Variants in UBN1 observed in about 807,000 individuals in gnomAD.
The protein encoded by UBN1 is ubinuclein 1.
A neutral mutation model predicts 108.5 loss-of-function variants in UBN1; 17 were observed. The observed-to-expected ratio is 0.16, with a 90% CI of 0.11 to 0.24. The LOEUF is 0.24. Ranked by LOEUF, UBN1 falls within the 10% of genes least tolerant of loss-of-function variation. The pLI, the probability that UBN1 is intolerant of heterozygous loss-of-function variation, is 1.00. For missense variants in UBN1, 1,595 were observed against 1,394.4 expected, an observed-to-expected ratio of 1.14 and a Z score of -2.29; for synonymous variants, 726 against 564.2, an observed-to-expected ratio of 1.29 and a Z score of -4.07.
chr16:4,864,044 A>G (rs1235582990), intron 7 of UBN1, among the ~76,000 whole-genome samples: 2 of 148,044 alleles, frequency 1.4e-5, no homozygotes, highest in South Asian at 2.1e-4. Flanking sequence ...TGTGGGAGGA[A>G]TCTGTGATCC....
rs776962648 is a variant in UBN1 at position 4,874,295 on chromosome 16, A to T, written c.1885A>T (p.Thr629Ser). 17 of 1,614,088 alleles carry T rather than the reference A, an allele frequency of 1.1e-5. No homozygotes were observed. Among genetic ancestry groups the T allele is most frequent in the Non-Finnish European group, 1.4e-5 (17 of 1,179,980 alleles). ...CATTGCTTTGCCCTCAGATCACCAAACAGGAGGCCTGAGTATTGGGGCCTC... is the reference window on the plus strand; with the variant it reads ...CATTGCTTTGCCCTCAGATCACCAATCAGGAGGCCTGAGTATTGGGGCCTC... Reference protein sequence around the residue: ...GPIALPSDHQTGGLSIGASSR... With the variant: ...GPIALPSDHQSGGLSIGASSR... The change falls in exon 15 of 18, where the codon ACA (threonine) becomes TCA (serine). Residue 629 changes from threonine to serine, a missense_variant. By Grantham distance (58) the Thr-to-Ser change is moderately conservative (BLOSUM62 1). Coordinates refer to ENST00000262376, the MANE Select transcript of UBN1 (RefSeq NM_001079514.3).
chr16:4,863,957 T>C (rs916437610), intron 7 of UBN1, among the ~76,000 whole-genome samples: 1 of 152,068 alleles, frequency 6.6e-6, no homozygotes, highest in Non-Finnish European at 1.5e-5. Context: ...ACACTTTTGG[T>C]CAGAGCAAAT....
In UBN1 at chr16:4,877,165, G is replaced by C. The variant is rs183567746; in HGVS notation, c.3265+54G>C. 245 of 1,550,976 alleles carry C rather than the reference G, an allele frequency of 1.6e-4. 1 individual carries two copies. In the East Asian group the frequency reaches 5.1e-3, roughly 32 times the overall value. On this transcript the variant is annotated intron_variant, in intron 16 of 17. Transcript: ENST00000262376. This position sits in a 1 kb window ranked among gnomAD's most constrained non-coding sequence, Gnocchi z 4.3. ...CTCAGGAACCTCTAGATTGTGGCCA[G>C]GGGTCCTGCTGTTGTGTACTCTGGT...
At chr16:4,861,143 T>C (rs746451552) in intron 7 of UBN1, 41 bp downstream of exon 7, 4 of 1,566,850 alleles carry the variant, frequency 2.6e-6, no homozygotes, top group Admixed American at 3.6e-5. Flanking sequence ...TGGAAGCAGT[T>C]TGGGCAGATT....
rs1226771722 is a variant in UBN1 at position 4,881,146 on chromosome 16, G to A, written c.*1014G>A. On this transcript the variant is annotated 3_prime_UTR_variant, in exon 18 of 18. Transcript: ENST00000262376. Reference sequence around the variant, plus strand: ...AGAGCCCAGAGCCCTTCATCTCTCTGAGGGTCAAGGATACCAGGGGTCCCA... The same window carrying A: ...AGAGCCCAGAGCCCTTCATCTCTCTAAGGGTCAAGGATACCAGGGGTCCCA... 6.6e-6 allele frequency: 1 copy of A among 152,610 alleles called. No homozygotes were observed. 9.5% of individuals were successfully genotyped at this position (152,610 alleles called of 1,614,324 possible). A position where few individuals can be genotyped will look rare whatever the true frequency, so the allele number is the denominator to read the frequency against.
Position 4,880,364 on chromosome 16 carries a change from G to A in UBN1, c.*232G>A, listed in dbSNP as rs776113443. Reference sequence around the variant, plus strand: ...GTGCTCTGGGCCTTGCAGCTCTGTCGCTAGACGGTTGTTAGAGGGGCAGCT... The same window carrying A: ...GTGCTCTGGGCCTTGCAGCTCTGTCACTAGACGGTTGTTAGAGGGGCAGCT... On this transcript the variant is annotated 3_prime_UTR_variant, in exon 18 of 18. Coordinates refer to ENST00000262376, the MANE Select transcript of UBN1 (RefSeq NM_001079514.3). The A allele has an allele frequency of 2.1e-5, 11 of 526,504 alleles. No homozygotes were observed. The highest frequency in any genetic ancestry group is 3.1e-5 in the Non-Finnish European group (9 of 290,314). The allele number at this position is 526,504 out of a possible 1,614,324, so 32.6% of individuals were successfully genotyped here.
chr16:4,869,648 A>C (rs541019432), intron 8 of UBN1, among the ~76,000 whole-genome samples: 1 of 152,206 alleles, frequency 6.6e-6, no homozygotes, highest in African/African-American at 2.4e-5. Flanking sequence ...AGGAAGTGTG[A>C]GCTGCAGAGA....
chr16:4,869,001 A>G, intron 8 of UBN1, 98 bp downstream of exon 8: 1 of 1,172,606 alleles, frequency 8.5e-7, no homozygotes, highest in Non-Finnish European at 1.2e-6. Flanking sequence ...ATTGAACTGC[A>G]TAAAGGTGAC....
At position 4,875,454 on chromosome 16, in the gene UBN1, G is replaced by A. The variant is rs753566866; in HGVS notation, c.3024+20G>A. 12 of 1,591,942 alleles carry A rather than the reference G, an allele frequency of 7.5e-6. No homozygotes were observed. Among genetic ancestry groups the A allele is most frequent in the Non-Finnish European group, 1.0e-5 (12 of 1,167,210 alleles). On this transcript the variant is annotated intron_variant, in intron 15 of 17. Coordinates refer to ENST00000262376, the MANE Select transcript of UBN1 (RefSeq NM_001079514.3). ...TTGTCAGTGAGTATCTGTCATAGCA[G>A]CCTGCCCTGCCCCACTCACAGGGGC... is the stretch of plus-strand genomic sequence containing the variant.
At chr16:4,850,677 C>T (rs1352417823) in intron 1 of UBN1, among the ~76,000 whole-genome samples, 2 of 152,204 alleles carry the variant, frequency 1.3e-5, no homozygotes, top group Non-Finnish European at 2.9e-5. Context: ...TTTAACTCTT[C>T]ATTTGTAGAT....
intron 1 of UBN1, among the ~76,000 whole-genome samples, chr16:4,849,252 C>T (rs2086402318): frequency 6.6e-6 from 1 of 152,022 alleles, no homozygotes; most frequent in South Asian, 2.1e-4. Context: ...CTAGCCAGTG[C>T]AGTAAGACAG....
intron 4 of UBN1, 72 bp from the exon 5 acceptor site, chr16:4,858,953 C>G: frequency 6.4e-7 from 1 of 1,568,580 alleles, no homozygotes; most frequent in Non-Finnish European, 8.6e-7. Flanking sequence ...TCACATCTCT[C>G]TCGAGACCCA....
chr16:4,863,044 A>G (rs2087144974), intron 7 of UBN1, among the ~76,000 whole-genome samples: 1 of 152,214 alleles, frequency 6.6e-6, no homozygotes, highest in African/African-American at 2.4e-5. Context: ...TAACAGCATT[A>G]AGAAACTTTG....
chr16:4,874,131 C>G, intron 14 of UBN1, 80 bp from the exon 15 acceptor site: 2 of 1,476,640 alleles, frequency 1.4e-6, no homozygotes, highest in Non-Finnish European at 1.8e-6. Context: ...GACTCGAGTT[C>G]ACATGTTTGT....
At position 4,870,936 on chromosome 16, in the gene UBN1, G is replaced by A. The variant is rs1285567271; in HGVS notation, c.1523G>A (p.Gly508Glu). 6.2e-7 allele frequency: 1 copy of A among 1,614,182 alleles called. No individual in the cohort carries two copies. The highest frequency in any genetic ancestry group is 1.1e-5 in the South Asian group (1 of 91,084). ...GAAAAAGGGGGCAGGAGGATAATGG[G>A]ACCTCGGAAGAAGTTCCAATGGAAT... is the stretch of plus-strand genomic sequence containing the variant. Reference protein sequence around the residue: ...DEEKGGRRIMGPRKKFQWNDE... With the variant: ...DEEKGGRRIMEPRKKFQWNDE... The change falls in exon 11 of 18, where the codon GGA (glycine) becomes GAA (glutamate). Residue 508 changes from glycine to glutamate, a missense_variant. By Grantham distance (98) the Gly-to-Glu change is moderately conservative. Transcript: ENST00000262376.
At chr16:4,858,825 C>T in intron 4 of UBN1, 162 bp downstream of exon 4, 2 of 939,098 alleles carry the variant, frequency 2.1e-6, no homozygotes, top group Non-Finnish European at 3.3e-6. Flanking sequence ...TTATCCGGGT[C>T]TTAGTTCCCT....
chr16:4,874,703 T>C lies in UBN1; in HGVS notation c.2293T>C (p.Cys765Arg). ...PESSGYKELS[C>R]QAPLNKGLPE... ...GAGTTCTGGCTACAAAGAGCTGTCCTGCCAGGCTCCCCTCAATAAGGGCCT... is the reference window on the plus strand; with the variant it reads ...GAGTTCTGGCTACAAAGAGCTGTCCCGCCAGGCTCCCCTCAATAAGGGCCT... Residue 765 changes from cysteine to arginine, a missense_variant, in exon 15 of 18, where the codon TGC becomes CGC. Cys to Arg is a radical substitution (Grantham distance 180). Transcript: ENST00000262376. 1 of 1,614,156 alleles carries C rather than the reference T, an allele frequency of 6.2e-7. No individual in the cohort carries two copies. The highest frequency in any genetic ancestry group is 8.5e-7 in the Non-Finnish European group (1 of 1,180,032).
intron 1 of UBN1, chr16:4,852,089 G>T (rs1039787992): frequency 1.3e-5 from 2 of 152,158 alleles, no homozygotes; most frequent in African/African-American, 2.4e-5. Flanking sequence ...AGGCTGCAAT[G>T]AATATCTTTA....
In UBN1 at chr16:4,875,335, A is replaced by C. The variant is rs528979865; in HGVS notation, c.2925A>C (p.Gly975=). ...TAGCCCCTCCAGGCGGTCCAAACGG[A>C]GATTCCAGTGGTGGGACCCAGGGAG... ...TLVAPPGGPN[G]DSSGGTQGVA... The change falls in exon 15 of 18, where the codon GGA becomes GGC. Residue 975 remains glycine, a synonymous_variant. Coordinates refer to ENST00000262376, the MANE Select transcript of UBN1 (RefSeq NM_001079514.3). 2 of 1,614,214 alleles carry C rather than the reference A, an allele frequency of 1.2e-6. No homozygotes were observed. The highest frequency in any genetic ancestry group is 2.7e-5 in the African/African-American group (2 of 75,048).
Sources: allele counts gnomAD v4.1 joint callset (sites outside exome capture counted in the v4.1 genomes callset), GRCh38; gene constraint gnomAD v4.1.1; non-coding constraint Gnocchi (gnomAD v3.1); transcripts MANE v1.5; gene names NCBI Gene and HGNC (gene_info 2026-07-23, HGNC 2026-07-21).